Variants in PSD3 observed in about 807,000 individuals in gnomAD.
PSD3 encodes pleckstrin and Sec7 domain containing 3, also known as PH and SEC7 domain-containing protein 3.
Under a neutral mutation model 105.5 loss-of-function variants are expected in PSD3, and 49 were observed. The ratio of observed to expected loss-of-function variants is 0.46; its 90% CI spans 0.37 to 0.59. The LOEUF is 0.59. Among genes scored for constraint, PSD3 ranks in the 20% least tolerant of loss-of-function variants. PSD3 has a pLI of 0.00. For missense variants in PSD3, 1,561 were observed against 1,263.8 expected (o/e 1.24, Z -3.57); for synonymous variants, 557 against 457.8 (o/e 1.22, Z -2.77).
intron 2 of PSD3, among the ~76,000 whole-genome samples, chr8:18,913,556 A>G (rs566136082): frequency 6.6e-6 from 1 of 151,662 alleles, no homozygotes; most frequent in East Asian, 2.0e-4. Flanking sequence ...CATGCTCTAC[A>G]GAACCAAGGA....
At chr8:18,692,750 T>C (rs1169119066) in intron 9 of PSD3, among the ~76,000 whole-genome samples, 2 of 152,232 alleles carry the variant, frequency 1.3e-5, no homozygotes, top group Admixed American at 6.5e-5. Flanking sequence ...GCACATTTTC[T>C]GTAACCAAAT....
intron 1 of PSD3, among the ~76,000 whole-genome samples, chr8:19,057,607 C>T (rs991924241): frequency 1.3e-5 from 2 of 152,114 alleles, no homozygotes; most frequent in African/African-American, 4.8e-5. Context: ...ATCTTGGCCC[C>T]TTCTCTGGGA....
Position 18,965,809 on chromosome 8 carries a change from A to C in PSD3, c.22-29667T>G, listed in dbSNP as rs73588667. ...GAGATGGATCTGAAGCTTAATACAGAATTGTAATGCGAAAAGCAACACGTG... is the reference window on the plus strand; with the variant it reads ...GAGATGGATCTGAAGCTTAATACAGCATTGTAATGCGAAAAGCAACACGTG... On this transcript the variant is annotated intron_variant, in intron 1 of 15. Transcript: ENST00000327040. Among the ~76,000 whole-genome samples, 779 of 152,340 alleles carry C rather than the reference A, an allele frequency of 5.1e-3. 7 individuals carry two copies. Among genetic ancestry groups the C allele is most frequent in the African/African-American group, 0.018 (733 of 41,570 alleles).
chr8:19,019,381 C>A (rs1827288420), intron 1 of PSD3, among the ~76,000 whole-genome samples: 1 of 152,116 alleles, frequency 6.6e-6, no homozygotes, highest in East Asian at 1.9e-4. Flanking sequence ...AATTCTCAAG[C>A]AATCCAAGAG....
At chr8:18,901,361 T>C (rs180895269) in intron 2 of PSD3, among the ~76,000 whole-genome samples, 2 of 152,210 alleles carry the variant, frequency 1.3e-5, no homozygotes, top group South Asian at 2.1e-4. Flanking sequence ...AGCTGGGTCA[T>C]GTTTTTTCAT....
At chr8:18,966,540 C>T (rs867055187) in intron 1 of PSD3, among the ~76,000 whole-genome samples, 6 of 150,660 alleles carry the variant, frequency 4.0e-5, no homozygotes, top group African/African-American at 1.2e-4. Context: ...CACTGAACTC[C>T]GGCCTGGGCA....
chr8:18,697,401 C>G (rs1801321777), intron 9 of PSD3, among the ~76,000 whole-genome samples: 1 of 152,160 alleles, frequency 6.6e-6, no homozygotes, highest in African/African-American at 2.4e-5. Flanking sequence ...AACATTTTCT[C>G]TTAAATATGG....
At chr8:18,824,827 T>A (rs1285616641) in intron 4 of PSD3, among the ~76,000 whole-genome samples, 1 of 152,154 alleles carries the variant, frequency 6.6e-6, no homozygotes, top group African/African-American at 2.4e-5. Context: ...CACACAGTAC[T>A]TCAGCCAGCG....
At chr8:19,030,798 A>G (rs1827740039) in intron 1 of PSD3, among the ~76,000 whole-genome samples, 3 of 152,154 alleles carry the variant, frequency 2.0e-5, no homozygotes, top group African/African-American at 7.2e-5. Context: ...TAGATCATCC[A>G]AGGAATTCAA....
At chr8:18,764,813 A>C (rs1295874575) in intron 9 of PSD3, among the ~76,000 whole-genome samples, 1 of 151,916 alleles carries the variant, frequency 6.6e-6, no homozygotes, top group Admixed American at 6.6e-5. Flanking sequence ...TTACCCTACA[A>C]CCCCCCAAAT....
chr8:18,540,051 A>T (rs1262314119), intron 15 of PSD3, among the ~76,000 whole-genome samples: 1 of 152,086 alleles, frequency 6.6e-6, no homozygotes, highest in African/African-American at 2.4e-5. Flanking sequence ...CATGAGAGGA[A>T]TTATGGTTTA....
At chr8:18,705,808 G>T (rs538772480) in intron 9 of PSD3, among the ~76,000 whole-genome samples, 15 of 152,098 alleles carry the variant, frequency 9.9e-5, no homozygotes, top group Non-Finnish European at 1.8e-4. Flanking sequence ...ATGAGTATTC[G>T]TGATCAAGAA....
chr8:18,703,595 G>C (rs1162493964), intron 9 of PSD3, among the ~76,000 whole-genome samples: 1 of 152,090 alleles, frequency 6.6e-6, no homozygotes, highest in Non-Finnish European at 1.5e-5. Context: ...AATTCCCTTG[G>C]ACATGAAATT....
At chr8:18,704,755 T>C (rs1801791130) in intron 9 of PSD3, among the ~76,000 whole-genome samples, 1 of 152,168 alleles carries the variant, frequency 6.6e-6, no homozygotes, top group Non-Finnish European at 1.5e-5. Context: ...AACATTCATG[T>C]CTTTGTCCAG....
intron 9 of PSD3, 89 bp from the exon 10 acceptor site, chr8:18,655,774 A>G: frequency 1.6e-6 from 2 of 1,283,538 alleles, no homozygotes; most frequent in Non-Finnish European, 1.1e-6. Context: ...TCCTTCATAA[A>G]AGGATAGGCA....
intron 8 of PSD3, among the ~76,000 whole-genome samples, chr8:18,786,621 C>A (rs1341957167): frequency 6.6e-6 from 1 of 152,136 alleles, no homozygotes; most frequent in Non-Finnish European, 1.5e-5. Context: ...AGATTCAGAC[C>A]AACAAAAGCC....
chr8:18,845,272 T>C (rs1444367135), intron 4 of PSD3, among the ~76,000 whole-genome samples: 2 of 152,178 alleles, frequency 1.3e-5, no homozygotes, highest in Non-Finnish European at 2.9e-5. Flanking sequence ...TTGAAGAGGA[T>C]GGCGAGAGGA....
intron 9 of PSD3, among the ~76,000 whole-genome samples, chr8:18,660,952 T>A (rs1809303092): frequency 6.6e-6 from 1 of 152,186 alleles, no homozygotes; most frequent in African/African-American, 2.4e-5. Context: ...AAATTTAATT[T>A]TAAGTCGTTG....
chr8:18,691,170 A>G (rs1732085433), intron 9 of PSD3, among the ~76,000 whole-genome samples: 1 of 152,206 alleles, frequency 6.6e-6, no homozygotes, highest in Non-Finnish European at 1.5e-5. Flanking sequence ...ACGTTCTTAC[A>G]TTGCAAATGA....
Sources: allele counts gnomAD v4.1 joint callset (sites outside exome capture counted in the v4.1 genomes callset), GRCh38; gene constraint gnomAD v4.1.1; transcripts MANE v1.5; gene names NCBI Gene and HGNC (gene_info 2026-07-23, HGNC 2026-07-21).